The following PPME1 variants were observed in gnomAD, a reference collection of about 807,000 sequenced individuals.
PPME1 encodes the protein testicular secretory protein Li 39.
A neutral mutation model predicts 56.9 loss-of-function variants in PPME1; 17 were observed. That is an observed-to-expected ratio of 0.30 (90% CI 0.20 to 0.45). The LOEUF is 0.45. PPME1 is among the 20% of genes least tolerant of loss of function. PPME1 has a pLI of 1.00. For missense variants in PPME1, 357 were observed against 483.2 expected, an observed-to-expected ratio of 0.74 and a Z score of 2.45; for synonymous variants, 122 against 156.2, an observed-to-expected ratio of 0.78 and a Z score of 1.63.
chr11:74,210,717 G>A (rs1858450128), intron 3 of PPME1, among the ~76,000 whole-genome samples: 1 of 152,146 alleles, frequency 6.6e-6, no homozygotes, highest in Non-Finnish European at 1.5e-5. Flanking sequence ...GCAGCCTGAT[G>A]CACTCAGCAG....
At chr11:74,231,948 G>A (rs1012358723) in intron 7 of PPME1, among the ~76,000 whole-genome samples, 4 of 152,148 alleles carry the variant, frequency 2.6e-5, no homozygotes, top group African/African-American at 9.7e-5. Flanking sequence ...CTTATTTTGT[G>A]CTAATGAGTG....
intron 1 of PPME1, among the ~76,000 whole-genome samples, chr11:74,173,410 C>T (rs192961457): frequency 1.7e-4 from 26 of 152,062 alleles, no homozygotes; most frequent in African/African-American, 6.0e-4. Context: ...CTCAGCTTCT[C>T]ATCTTGGAGA....
At chr11:74,206,906 A>C (rs1858342464) in intron 3 of PPME1, among the ~76,000 whole-genome samples, 2 of 152,168 alleles carry the variant, frequency 1.3e-5, no homozygotes, top group South Asian at 4.2e-4. Flanking sequence ...TTAAACATTT[A>C]CTCTGTGCCA....
chr11:74,177,098 A>G (rs763655217), intron 1 of PPME1, among the ~76,000 whole-genome samples: 18 of 152,056 alleles, frequency 1.2e-4, no homozygotes, highest in Admixed American at 1.3e-4. Context: ...TCCAAAGGCT[A>G]TCTAGTTGTT....
intron 9 of PPME1, among the ~76,000 whole-genome samples, chr11:74,245,008 A>G (rs1306185688): frequency 2.0e-5 from 3 of 152,144 alleles, no homozygotes; most frequent in East Asian, 1.9e-4. Flanking sequence ...TCATTTGACT[A>G]TTTATGTGAA....
chr11:74,227,484 A>C (rs1858960799), intron 5 of PPME1, among the ~76,000 whole-genome samples: 2 of 152,012 alleles, frequency 1.3e-5, no homozygotes, highest in Admixed American at 1.3e-4. Flanking sequence ...GAAAAAAAAA[A>C]ACCTCAAAAT....
At chr11:74,239,573 CTTTTTTTTTT>C (rs756708278) in intron 9 of PPME1, among the ~76,000 whole-genome samples, 13 of 125,462 alleles carry the variant, frequency 1.0e-4, no homozygotes, top group Non-Finnish European at 2.1e-4. Context: ...TCATCCAGAT[CTTTTTTTTTT>C]TTTTTTTTTT....
rs375598502 is a variant in PPME1 at position 74,247,178 on chromosome 11, G to A, written c.1009+55G>A. ...CCCTTTTCTGAAGAAAGGGTGATAGGGCAGTTAACATCCTGAGATAGTGAG... is the reference window on the plus strand; with the variant it reads ...CCCTTTTCTGAAGAAAGGGTGATAGAGCAGTTAACATCCTGAGATAGTGAG... On this transcript the variant is annotated intron_variant, in intron 11 of 13. Transcript: ENST00000328257. The A allele has an allele frequency of 1.5e-4, 213 of 1,467,584 alleles. 2 individuals are homozygous for A. In the African/African-American group the frequency reaches 2.8e-3, roughly 20 times the overall value. 90.9% of individuals were successfully genotyped at this position (1,467,584 alleles called of 1,614,324 possible). A position where few individuals can be genotyped will look rare whatever the true frequency, so the allele number is the denominator to read the frequency against.
At chr11:74,201,303 T>A (rs1360845603) in intron 1 of PPME1, among the ~76,000 whole-genome samples, 1 of 152,178 alleles carries the variant, frequency 6.6e-6, no homozygotes, top group Non-Finnish European at 1.5e-5. Context: ...TTGTTTTTTT[T>A]AAATGAAGGA....
intron 9 of PPME1, among the ~76,000 whole-genome samples, chr11:74,240,096 A>G (rs928123298): frequency 6.6e-6 from 1 of 151,248 alleles, no homozygotes; most frequent in African/African-American, 2.4e-5. Flanking sequence ...ACCACACCCA[A>G]CTTCCCTGGG....
rs1439580047 is a variant in PPME1, at chr11:74,235,911, G to A, written c.655G>A (p.Gly219Ser). ...ENAIEWSVKS[G>S]QIRNLESARV... Reference sequence around the variant, plus strand: ...TCTTTTCTTTCCCAGTGTGAAGAGTGGCCAGATTCGAAATCTGGAGTCTGC... The same window carrying A: ...TCTTTTCTTTCCCAGTGTGAAGAGTAGCCAGATTCGAAATCTGGAGTCTGC... The change falls in exon 8 of 14, where the codon GGC (glycine) becomes AGC (serine). Residue 219 changes from glycine (G) to serine (S), a missense_variant. This residue lies in a region of PPME1 where 182 missense variants were observed against 293.8 expected (regional missense o/e 0.62). Coordinates refer to ENST00000328257, the MANE Select transcript of PPME1 (RefSeq NM_016147.3). 6.2e-7 allele frequency: 1 copy of A among 1,611,600 alleles called. No individual in the cohort carries two copies. The highest frequency in any genetic ancestry group is 1.1e-5 in the South Asian group (1 of 90,258).
intron 3 of PPME1, among the ~76,000 whole-genome samples, chr11:74,218,123 T>C (rs1858705286): frequency 6.6e-6 from 1 of 152,034 alleles, no homozygotes; most frequent in Admixed American, 6.6e-5. Flanking sequence ...CATTCTTATA[T>C]GCCAACAGCA....
chr11:74,213,582 C>T (rs1363531701), intron 3 of PPME1, among the ~76,000 whole-genome samples: 2 of 152,186 alleles, frequency 1.3e-5, no homozygotes, highest in Non-Finnish European at 2.9e-5. Flanking sequence ...GTGCTGGTGG[C>T]CACAGGGGTA....
At chr11:74,245,306 A>G (rs1364168771) in intron 9 of PPME1, among the ~76,000 whole-genome samples, 1 of 152,096 alleles carries the variant, frequency 6.6e-6, no homozygotes, top group Non-Finnish European at 1.5e-5. Flanking sequence ...GTGATCTTTA[A>G]GATAATATGT....
At chr11:74,200,850 A>G (rs1858142918) in intron 1 of PPME1, among the ~76,000 whole-genome samples, 1 of 151,758 alleles carries the variant, frequency 6.6e-6, no homozygotes, top group African/African-American at 2.4e-5. Context: ...GTTTATTTTT[A>G]TTTTTATTAT....
Position 74,253,790 on chromosome 11 carries a change from T to G in PPME1, c.*280T>G. On this transcript the variant is annotated 3_prime_UTR_variant, in exon 14 of 14. Transcript: ENST00000328257. ...TCCTGCCTGCTCTCCCTGCGTTGCC[T>G]AGGGTAAAGCCTCCAGATTTGCCAT... is the stretch of plus-strand genomic sequence containing the variant. 1 of 555,884 alleles carries G rather than the reference T, an allele frequency of 1.8e-6. No homozygotes were observed. Among genetic ancestry groups the G allele is most frequent in the South Asian group, 2.4e-5 (1 of 42,082 alleles). The allele number at this position is 555,884 out of a possible 1,614,324, so 34.4% of individuals were successfully genotyped here. A position where few individuals can be genotyped will look rare whatever the true frequency, so the allele number is the denominator to read the frequency against.
chr11:74,176,346 C>T (rs982500454), intron 1 of PPME1, among the ~76,000 whole-genome samples: 7 of 151,976 alleles, frequency 4.6e-5, no homozygotes, highest in African/African-American at 1.5e-4. Context: ...GAGCTATTCA[C>T]ACAGATGGGG....
At chr11:74,194,033 G>A (rs1857913823) in intron 1 of PPME1, among the ~76,000 whole-genome samples, 1 of 151,838 alleles carries the variant, frequency 6.6e-6, no homozygotes, top group African/African-American at 2.4e-5. Flanking sequence ...GGGGTCCTGA[G>A]GGCACTACCA....
intron 4 of PPME1, among the ~76,000 whole-genome samples, chr11:74,224,016 T>C (rs1186813566): frequency 6.6e-6 from 1 of 152,150 alleles, no homozygotes; most frequent in African/African-American, 2.4e-5. Flanking sequence ...TAAGTCCTTG[T>C]CCATGCCTAT....
Sources: allele counts gnomAD v4.1 joint callset (sites outside exome capture counted in the v4.1 genomes callset), GRCh38; gene constraint gnomAD v4.1.1; regional missense constraint gnomAD v4.1.1; transcripts MANE v1.5; gene names NCBI Gene and HGNC (gene_info 2026-07-23, HGNC 2026-07-21).